The following NR3C2 variants were observed in gnomAD, a reference collection of about 807,000 sequenced individuals.
NR3C2 encodes mineralocorticoid receptor.
A neutral mutation model predicts 86.4 loss-of-function variants in NR3C2; 15 were observed. The ratio of observed to expected loss-of-function variants is 0.17; its 90% CI spans 0.12 to 0.27. NR3C2 has a LOEUF of 0.27. Among genes scored for constraint, NR3C2 ranks in the 10% least tolerant of loss-of-function variants. NR3C2 has a pLI of 1.00. For synonymous variants in NR3C2, 458 were observed against 450.5 expected (o/e 1.02, Z -0.21); for missense variants, 960 against 1,195.6 (o/e 0.80, Z 2.91).
chr4:148,444,645 G>A (rs952341708), upstream of NR3C2: 81 of 985,794 alleles, frequency 8.2e-5, no homozygotes, highest in Non-Finnish European at 9.4e-5. Context: ...TGAGGATGGA[G>A]AGGATGATAA....
chr4:148,187,464 G>A (rs1735981933), intron 4 of NR3C2, among the ~76,000 whole-genome samples: 1 of 152,072 alleles, frequency 6.6e-6, no homozygotes, highest in East Asian at 1.9e-4. Flanking sequence ...TAGTGATGTT[G>A]AGCATTTTTT....
In NR3C2 at chr4:148,194,805, C is replaced by A; in HGVS notation, c.1955G>T (p.Arg652Leu). 1 of 1,612,530 alleles carries A rather than the reference C, an allele frequency of 6.2e-7. No individual in the cohort carries two copies. ...AAGTCTGCAAGCAGGACAATTCTTT[C>A]GTCGAATCTTATCAATGATGCAATC... Reference protein sequence around the residue: ...RNDCIIDKIRRKNCPACRLQK... With the variant: ...RNDCIIDKIRLKNCPACRLQK... Residue 652 changes from arginine to leucine, a missense_variant, in exon 4 of 9, where the codon CGA becomes CTA. Arg to Leu is a moderately radical substitution (Grantham distance 102). Coordinates refer to ENST00000358102, the MANE Select transcript of NR3C2 (RefSeq NM_000901.5).
intron 3 of NR3C2, among the ~76,000 whole-genome samples, chr4:148,249,489 G>A (rs3910046): frequency 0.17 from 26,244 of 151,994 alleles, 2,972 homozygotes; most frequent in East Asian, 0.47. Flanking sequence ...TAGTTATGAT[G>A]CCCTCCTAGA....
intron 2 of NR3C2, among the ~76,000 whole-genome samples, chr4:148,389,911 T>A (rs1747455121): frequency 6.6e-6 from 1 of 152,070 alleles, no homozygotes; most frequent in African/African-American, 2.4e-5. Flanking sequence ...ATTGAAAAAA[T>A]CTGACTGTAA....
At position 148,303,062 on chromosome 4, in the gene NR3C2, G is replaced by C. The variant is rs139240976; in HGVS notation, c.1758-42945C>G. ...GGCCTAAGTAGAAATAATTATTCTT[G>C]GTGCACTTTATGCAAATAATCAGGC... On this transcript the variant is annotated intron_variant, in intron 2 of 8. Transcript: ENST00000358102. 2.5e-3 allele frequency among the ~76,000 whole-genome samples: 380 copies of C among 152,124 alleles called. 3 individuals carry two copies. The highest frequency in any genetic ancestry group is 8.6e-3 in the African/African-American group (355 of 41,490).
chr4:148,262,951 C>T (rs562465422), intron 2 of NR3C2, among the ~76,000 whole-genome samples: 6 of 152,270 alleles, frequency 3.9e-5, no homozygotes, highest in East Asian at 1.9e-4. Flanking sequence ...CCATCTACTT[C>T]GAGCTGTCAA....
intron 2 of NR3C2, among the ~76,000 whole-genome samples, chr4:148,434,696 A>G (rs1440636449): frequency 2.6e-5 from 4 of 152,226 alleles, no homozygotes; most frequent in African/African-American, 9.6e-5. Context: ...CCATAATAAA[A>G]AAAAGGACTA....
intron 2 of NR3C2, among the ~76,000 whole-genome samples, chr4:148,312,290 T>C (rs1322114995): frequency 1.2e-5 from 1 of 86,194 alleles, no homozygotes; most frequent in East Asian, 3.6e-4. Flanking sequence ...TTTAAATTTA[T>C]GTTTTTTAGG....
chr4:148,298,945 G>GC (rs1341695556), intron 2 of NR3C2, among the ~76,000 whole-genome samples: 1 of 152,222 alleles, frequency 6.6e-6, no homozygotes, highest in Non-Finnish European at 1.5e-5. Context: ...AGACCAGGGG[G>GC]CCCACCTGTG....
intron 6 of NR3C2, among the ~76,000 whole-genome samples, chr4:148,148,225 A>T (rs1733957148): frequency 6.6e-6 from 1 of 151,504 alleles, no homozygotes; most frequent in Admixed American, 6.6e-5. Context: ...CACTTATGGC[A>T]GAGGCTTGGA....
At chr4:148,199,080 C>CAAA (rs60075012) in intron 3 of NR3C2, among the ~76,000 whole-genome samples, 858 of 37,142 alleles carry the variant, frequency 0.023, 31 homozygotes, top group African/African-American at 0.076. Flanking sequence ...GACTCCATCT[C>CAAA]AAAAAAAAAA....
intron 5 of NR3C2, among the ~76,000 whole-genome samples, chr4:148,153,280 C>T (rs1301361910): frequency 3.3e-5 from 5 of 152,260 alleles, no homozygotes; most frequent in Non-Finnish European, 5.9e-5. Flanking sequence ...AGGTTTCAAG[C>T]GATTCTCCTG....
rs1740014592 is a variant in NR3C2 at position 148,259,966 on chromosome 4, A to G, written c.1897+12T>C. On this transcript the variant is annotated intron_variant, in intron 3 of 8. Transcript: ENST00000358102. ...AAAAATATGTAAAAGGAACACCCACATGAACATTTACCTTCCACTGCTCTT... is the reference window on the plus strand; with the variant it reads ...AAAAATATGTAAAAGGAACACCCACGTGAACATTTACCTTCCACTGCTCTT... 1 of 1,613,994 alleles carries G rather than the reference A, an allele frequency of 6.2e-7. No individual in the cohort carries two copies.
chr4:148,172,355 C>T (rs1234169717), intron 4 of NR3C2, among the ~76,000 whole-genome samples: 1 of 152,074 alleles, frequency 6.6e-6, no homozygotes, highest in African/African-American at 2.4e-5. Flanking sequence ...ACTTAGAATT[C>T]CTCGCCAAGG....
chr4:148,300,464 G>T (rs1379930560), intron 2 of NR3C2, among the ~76,000 whole-genome samples: 1 of 152,020 alleles, frequency 6.6e-6, no homozygotes, highest in Admixed American at 6.6e-5. Flanking sequence ...ATTAAAAGTG[G>T]ATATCCAAGT....
chr4:148,370,009 C>T (rs924073752), intron 2 of NR3C2, among the ~76,000 whole-genome samples: 3 of 152,116 alleles, frequency 2.0e-5, no homozygotes, highest in African/African-American at 7.2e-5. Context: ...TCCTGTATTC[C>T]GAGATGATGC....
chr4:148,244,708 A>C (rs72653896), intron 3 of NR3C2, among the ~76,000 whole-genome samples: 152 of 152,316 alleles, frequency 1.0e-3, no homozygotes, highest in African/African-American at 3.4e-3. Flanking sequence ...ATTTTTTTAA[A>C]ATCAATTATT....
chr4:148,385,380 G>C (rs576263355), intron 2 of NR3C2, among the ~76,000 whole-genome samples: 31 of 152,310 alleles, frequency 2.0e-4, no homozygotes, highest in South Asian at 1.0e-3. Flanking sequence ...CCCTGAGGTA[G>C]AGTTAGAATG....
At chr4:148,244,070 C>G (rs1739199813) in intron 3 of NR3C2, among the ~76,000 whole-genome samples, 1 of 152,192 alleles carries the variant, frequency 6.6e-6, no homozygotes, top group Non-Finnish European at 1.5e-5. Flanking sequence ...ACAGGTGGAG[C>G]TGGCAGTTAA....
Sources: gnomAD v4.1 joint callset for allele counts (sites outside exome capture counted in the v4.1 genomes callset) on GRCh38, gnomAD v4.1.1 for gene constraint, MANE v1.5 for transcripts, NCBI Gene and HGNC (gene_info 2026-07-23, HGNC 2026-07-21) for gene names.